The following ZDHHC14 variants were observed in gnomAD, a reference collection of about 807,000 sequenced individuals.
ZDHHC14 encodes the protein zDHHC palmitoyltransferase 14.
Under a neutral mutation model 47.7 loss-of-function variants are expected in ZDHHC14, and 16 were observed. That is an observed-to-expected ratio of 0.34 (90% CI 0.23 to 0.51). The LOEUF is 0.51. Ranked by LOEUF, ZDHHC14 falls within the 20% of genes least tolerant of loss-of-function variation. ZDHHC14 has a pLI of 0.97. For missense variants in ZDHHC14, 515 were observed against 662.5 expected (o/e 0.78, Z 2.44); for synonymous variants, 293 against 278.9 (o/e 1.05, Z -0.50).
intron 2 of ZDHHC14, among the ~76,000 whole-genome samples, chr6:157,579,490 C>G (rs1410890976): frequency 6.6e-6 from 1 of 152,132 alleles, no homozygotes; most frequent in Non-Finnish European, 1.5e-5. Context: ...AGCCACCATG[C>G]CCAGCCAATA....
intron 4 of ZDHHC14, 86 bp downstream of exon 4, chr6:157,628,572 TC>T: frequency 6.5e-7 from 1 of 1,535,762 alleles, no homozygotes; most frequent in Non-Finnish European, 8.8e-7. Flanking sequence ...AATATTTTGG[TC>T]ATTTCGGGCT....
intron 1 of ZDHHC14, among the ~76,000 whole-genome samples, chr6:157,540,430 C>A (rs531158354): frequency 6.6e-6 from 1 of 152,058 alleles, no homozygotes; most frequent in Non-Finnish European, 1.5e-5. Flanking sequence ...CGTCTCAGAC[C>A]CAAAAAGGAA....
chr6:157,656,902 A>G (rs1778123730), intron 8 of ZDHHC14, among the ~76,000 whole-genome samples: 1 of 152,094 alleles, frequency 6.6e-6, no homozygotes, highest in Non-Finnish European at 1.5e-5. Context: ...GGCTGATGGC[A>G]TACAGAATCA....
intron 1 of ZDHHC14, among the ~76,000 whole-genome samples, chr6:157,409,690 T>C (rs112270247): frequency 0.023 from 3,490 of 152,308 alleles, 114 homozygotes; most frequent in African/African-American, 0.078. Flanking sequence ...CACCCAGCCC[T>C]GTCATTTCCT....
intron 1 of ZDHHC14, among the ~76,000 whole-genome samples, chr6:157,529,488 G>A (rs1781288842): frequency 6.6e-6 from 1 of 152,148 alleles, no homozygotes; most frequent in Admixed American, 6.5e-5. Context: ...AAACCACAGA[G>A]CTTGTTATTC....
At chr6:157,487,779 G>C (rs1455420953) in intron 1 of ZDHHC14, among the ~76,000 whole-genome samples, 1 of 152,190 alleles carries the variant, frequency 6.6e-6, no homozygotes, top group East Asian at 1.9e-4. Flanking sequence ...GAGATGTCAG[G>C]ACCCAGACTG....
intron 2 of ZDHHC14, among the ~76,000 whole-genome samples, chr6:157,544,248 C>T (rs35060291): frequency 0.41 from 61,976 of 152,176 alleles, 12,701 homozygotes; most frequent in Admixed American, 0.45. Context: ...GGCCCAGCTC[C>T]CATACTGGGG....
intron 1 of ZDHHC14, among the ~76,000 whole-genome samples, chr6:157,407,448 C>T (rs1777786729): frequency 6.6e-6 from 1 of 152,166 alleles, no homozygotes; most frequent in Non-Finnish European, 1.5e-5. Flanking sequence ...TCCTGTTAAG[C>T]CAAGATTTAC....
At chr6:157,439,393 C>A (rs956917717) in intron 1 of ZDHHC14, among the ~76,000 whole-genome samples, 6 of 152,254 alleles carry the variant, frequency 3.9e-5, no homozygotes, top group East Asian at 1.9e-4. Context: ...ATGTGGCCAA[C>A]AAACATATTA....
chr6:157,418,497 A>G (rs1311539044), intron 1 of ZDHHC14, among the ~76,000 whole-genome samples: 1 of 152,194 alleles, frequency 6.6e-6, no homozygotes. Flanking sequence ...ACTGTTCATT[A>G]TCAGAGGCCT....
chr6:157,423,430 T>C (rs1444597110), intron 1 of ZDHHC14, among the ~76,000 whole-genome samples: 1 of 152,208 alleles, frequency 6.6e-6, no homozygotes, highest in Non-Finnish European at 1.5e-5. Flanking sequence ...AAATGAGGTA[T>C]AATAACATTA....
chr6:157,391,621 A>T (rs2114735669), intron 1 of ZDHHC14, among the ~76,000 whole-genome samples: 1 of 152,236 alleles, frequency 6.6e-6, no homozygotes, highest in Non-Finnish European at 1.5e-5. Context: ...GTGGGTTAAA[A>T]ATTTATTTGA....
At chr6:157,625,440 T>G (rs1460464148) in intron 3 of ZDHHC14, among the ~76,000 whole-genome samples, 4 of 152,104 alleles carry the variant, frequency 2.6e-5, no homozygotes, top group Admixed American at 2.6e-4. Flanking sequence ...GGCCGCCGTT[T>G]TGGAGTCATC....
At chr6:157,469,362 T>C (rs1266347690) in intron 1 of ZDHHC14, among the ~76,000 whole-genome samples, 1 of 152,212 alleles carries the variant, frequency 6.6e-6, no homozygotes, top group Non-Finnish European at 1.5e-5. Flanking sequence ...CTAGTAGGTA[T>C]TTCAGGCAGA....
rs1780214007 is a variant in ZDHHC14 at position 157,502,478 on chromosome 6, A to G, written c.246-40107A>G. On this transcript the variant is annotated intron_variant, in intron 1 of 8. Transcript: ENST00000359775. The surrounding 1 kb of genome is among the most constrained non-coding windows in gnomAD (Gnocchi z 4.0). ...GGTTTTCAAAACCTGCCTTGGAAAG[A>G]AAGTCCATGCTCAGCAACCCCAAAT... Among the ~76,000 whole-genome samples the G allele has an allele frequency of 6.6e-6, 1 of 152,172 alleles. No homozygotes were observed. Among genetic ancestry groups the G allele is most frequent in the African/African-American group, 2.4e-5 (1 of 41,436 alleles).
chr6:157,527,522 G>T (rs1382634823), intron 1 of ZDHHC14, among the ~76,000 whole-genome samples: 1 of 152,136 alleles, frequency 6.6e-6, no homozygotes. Flanking sequence ...GGGAGAGTAA[G>T]AGTCAAAACC....
chr6:157,553,316 G>A (rs1473704609), intron 2 of ZDHHC14, among the ~76,000 whole-genome samples: 3 of 152,132 alleles, frequency 2.0e-5, no homozygotes, highest in Non-Finnish European at 4.4e-5. Context: ...TGCTAAAATT[G>A]AGCATTGCAG....
At chr6:157,669,883 C>T (rs966826828) in intron 8 of ZDHHC14, among the ~76,000 whole-genome samples, 23 of 152,340 alleles carry the variant, frequency 1.5e-4, no homozygotes, top group Admixed American at 9.8e-4. Flanking sequence ...AGTGCCGCTG[C>T]GGCTCAGCTG....
intron 2 of ZDHHC14, among the ~76,000 whole-genome samples, chr6:157,563,760 G>T (rs562941785): frequency 2.3e-4 from 35 of 152,348 alleles, no homozygotes; most frequent in Non-Finnish European, 4.1e-4. Flanking sequence ...GAACTCTAAG[G>T]CCAGACTTCT....
Sources: gnomAD v4.1 joint callset for allele counts (sites outside exome capture counted in the v4.1 genomes callset) on GRCh38, gnomAD v4.1.1 for gene constraint, Gnocchi (gnomAD v3.1) non-coding constraint, MANE v1.5 for transcripts, NCBI Gene and HGNC (gene_info 2026-07-23, HGNC 2026-07-21) for gene names.